Variants in ESRRG observed in about 807,000 individuals in gnomAD.
ESRRG encodes the protein estrogen-related receptor gamma.
In ESRRG, 13 loss-of-function variants were observed where a neutral mutation model predicts 44.0. That is an observed-to-expected ratio of 0.30 (90% CI 0.19 to 0.47). ESRRG has a LOEUF of 0.47. Ranked by LOEUF, ESRRG falls within the 20% of genes least tolerant of loss-of-function variation. The pLI, the probability that ESRRG is intolerant of heterozygous loss-of-function variation, is 1.00. For synonymous variants in ESRRG, 215 were observed against 214.6 expected (o/e 1.00, Z -0.02); for missense variants, 395 against 580.6 (o/e 0.68, Z 3.29).
chr1:217,129,979 T>C (rs2102531396), intron 1 of ESRRG, among the ~76,000 whole-genome samples: 1 of 151,984 alleles, frequency 6.6e-6, no homozygotes, highest in East Asian at 1.9e-4. Context: ...TTACGTGAAG[T>C]TTACCTCATT....
intron 2 of ESRRG, among the ~76,000 whole-genome samples, chr1:216,737,130 G>A (rs1416617): frequency 0.89 from 135,948 of 152,188 alleles, 61,230 homozygotes; most frequent in South Asian, 0.96. Context: ...GTGGTCCTTG[G>A]ACTTTTAAAA....
chr1:217,037,572 G>A (rs184845757), intron 1 of ESRRG, among the ~76,000 whole-genome samples: 2 of 152,116 alleles, frequency 1.3e-5, no homozygotes, highest in African/African-American at 4.8e-5. Context: ...CACAAGATGA[G>A]ATTTGGGTGG....
At chr1:217,038,191 C>T (rs1006217947) in intron 1 of ESRRG, among the ~76,000 whole-genome samples, 6 of 152,182 alleles carry the variant, frequency 3.9e-5, no homozygotes, top group Non-Finnish European at 7.3e-5. Context: ...CTGTGTGGGG[C>T]CTCCAATCCC....
At chr1:216,783,724 G>A (rs571623649) in intron 2 of ESRRG, among the ~76,000 whole-genome samples, 2 of 151,894 alleles carry the variant, frequency 1.3e-5, no homozygotes, top group African/African-American at 4.8e-5. Flanking sequence ...CAGTACTGCA[G>A]TAATATCTAG....
At chr1:216,557,159 A>G (rs781522582) in intron 5 of ESRRG, among the ~76,000 whole-genome samples, 5 of 152,188 alleles carry the variant, frequency 3.3e-5, no homozygotes, top group Admixed American at 6.5e-5. Context: ...ACTTGTAATC[A>G]GGAATGTTTA....
At chr1:216,681,538 G>A (rs1213768565) in intron 1 of ESRRG, among the ~76,000 whole-genome samples, 1 of 152,040 alleles carries the variant, frequency 6.6e-6, no homozygotes, top group Non-Finnish European at 1.5e-5. Context: ...TGAAATTTCA[G>A]GACTTTAAAA....
chr1:217,067,914 T>C, intron 1 of ESRRG, among the ~76,000 whole-genome samples: 1 of 152,202 alleles, frequency 6.6e-6, no homozygotes, highest in East Asian at 1.9e-4. Flanking sequence ...CCTAAGGGTA[T>C]TAGTCGCTTT....
chr1:217,030,820 T>C (rs895677425), intron 1 of ESRRG, among the ~76,000 whole-genome samples: 2 of 152,236 alleles, frequency 1.3e-5, no homozygotes, highest in Non-Finnish European at 2.9e-5. Flanking sequence ...TGCAAAAATA[T>C]CTTATTCATA....
intron 1 of ESRRG, among the ~76,000 whole-genome samples, chr1:216,721,119 T>G (rs1332318387): frequency 6.6e-6 from 1 of 152,246 alleles, no homozygotes; most frequent in Non-Finnish European, 1.5e-5. Flanking sequence ...AGCTTTCAAG[T>G]ATTATGTTCT....
chr1:216,952,909 C>T (rs895756965), intron 1 of ESRRG, among the ~76,000 whole-genome samples: 2 of 152,120 alleles, frequency 1.3e-5, no homozygotes, highest in East Asian at 3.9e-4. Flanking sequence ...TTGTACCCCT[C>T]ACTTCCACGA....
At chr1:216,529,568 C>T (rs1477010239) in intron 5 of ESRRG, among the ~76,000 whole-genome samples, 5 of 151,528 alleles carry the variant, frequency 3.3e-5, no homozygotes, top group Non-Finnish European at 5.9e-5. Flanking sequence ...TTAAAGCTGT[C>T]GAAGAGGCAA....
At chr1:216,553,852 G>A (rs925153151) in intron 5 of ESRRG, among the ~76,000 whole-genome samples, 1 of 151,932 alleles carries the variant, frequency 6.6e-6, no homozygotes, top group Non-Finnish European at 1.5e-5. Context: ...TATAAAAATT[G>A]TGGACTACTC....
At chr1:216,649,346 C>T (rs143414143) in intron 3 of ESRRG, among the ~76,000 whole-genome samples, 14 of 152,024 alleles carry the variant, frequency 9.2e-5, no homozygotes, top group Non-Finnish European at 1.8e-4. Flanking sequence ...ATAAAAAGTA[C>T]CCCCATCCTC....
At chr1:216,645,625 C>CAA (rs2067377116) in intron 3 of ESRRG, among the ~76,000 whole-genome samples, 2 of 151,730 alleles carry the variant, frequency 1.3e-5, no homozygotes, top group Non-Finnish European at 2.9e-5. Context: ...TAATCCTAGT[C>CAA]CTTTGGGAGG....
intron 1 of ESRRG, among the ~76,000 whole-genome samples, chr1:216,689,384 C>T (rs190904268): frequency 6.6e-6 from 1 of 152,172 alleles, no homozygotes; most frequent in African/African-American, 2.4e-5. Flanking sequence ...TATAGAACAT[C>T]AGCCAGGTTA....
At chr1:216,887,947 C>T (rs961362486) in intron 2 of ESRRG, among the ~76,000 whole-genome samples, 6 of 151,880 alleles carry the variant, frequency 4.0e-5, no homozygotes, top group Non-Finnish European at 7.4e-5. Context: ...TTTGAATATT[C>T]ATTGTTATGG....
At chr1:217,128,572 A>G (rs560097712) in intron 1 of ESRRG, among the ~76,000 whole-genome samples, 6 of 152,318 alleles carry the variant, frequency 3.9e-5, no homozygotes, top group African/African-American at 1.4e-4. Context: ...TTCTTGGTAG[A>G]TGAATTTGAT....
At chr1:216,932,098 G>C (rs2063437914) in intron 2 of ESRRG, among the ~76,000 whole-genome samples, 1 of 152,120 alleles carries the variant, frequency 6.6e-6, no homozygotes, top group East Asian at 1.9e-4. Context: ...GAGTTACTCA[G>C]GAGGCTGAGG....
intron 5 of ESRRG, among the ~76,000 whole-genome samples, chr1:216,558,877 TG>T (rs1373759571): frequency 6.6e-6 from 1 of 151,984 alleles, no homozygotes; most frequent in East Asian, 1.9e-4. Flanking sequence ...TTTGTTTTTT[TG>T]TTTTTTTTGC....
Sources: allele counts gnomAD v4.1 joint callset (sites outside exome capture counted in the v4.1 genomes callset), GRCh38; gene constraint gnomAD v4.1.1; transcripts MANE v1.5; gene names NCBI Gene and HGNC (gene_info 2026-07-23, HGNC 2026-07-21).